Variants in LIN54 observed in about 807,000 individuals in gnomAD.
LIN54 encodes the protein protein lin-54 homolog.
In LIN54, 9 loss-of-function variants were observed where a neutral mutation model predicts 78.7. The ratio of observed to expected loss-of-function variants is 0.11; its 90% CI spans 0.07 to 0.20. LIN54 has a LOEUF of 0.20. LIN54 is among the 10% of genes least tolerant of loss of function. LIN54 has a pLI of 1.00. For synonymous variants in LIN54, 269 were observed against 318.4 expected (o/e 0.84, Z 1.65); for missense variants, 573 against 889.9 (o/e 0.64, Z 4.53).
At chr4:82,954,059 TA>T (rs1403501883) in intron 4 of LIN54, among the ~76,000 whole-genome samples, 1 of 152,154 alleles carries the variant, frequency 6.6e-6, no homozygotes, top group Non-Finnish European at 1.5e-5. Context: ...ATGTTACATG[TA>T]AAAAAATAAC....
At chr4:82,943,644 A>G (rs1163837612) in intron 5 of LIN54, among the ~76,000 whole-genome samples, 2 of 152,090 alleles carry the variant, frequency 1.3e-5, no homozygotes, top group Admixed American at 6.6e-5. Flanking sequence ...GCGTATATGT[A>G]TGTGGCTGGG....
rs1724595716 is a variant in LIN54, at chr4:82,959,286, G to A, written c.951+11041C>T. ...GTTGAGGAGGGATACTAGAGGCCAAGAGTTTGAGACCAGCCTGGGCAACAT... is the reference window on the plus strand; with the variant it reads ...GTTGAGGAGGGATACTAGAGGCCAAAAGTTTGAGACCAGCCTGGGCAACAT... On this transcript the variant is annotated intron_variant, in intron 4 of 12. Transcript: ENST00000340417. 3.9e-5 allele frequency among the ~76,000 whole-genome samples: 6 copies of A among 152,236 alleles called. No homozygotes were observed. The South Asian group carries it at 1.0e-3, about 26-fold the overall frequency.
At position 83,009,709 on chromosome 4, in the gene LIN54, T is replaced by C. The variant is rs146406691; in HGVS notation, c.-33+775A>G. Among the ~76,000 whole-genome samples, 1,022 of 152,290 alleles carry C rather than the reference T, an allele frequency of 6.7e-3. 15 individuals carry two copies. Among genetic ancestry groups the C allele is most frequent in the African/African-American group, 0.023 (940 of 41,552 alleles). On this transcript the variant is annotated intron_variant, in intron 1 of 12. Transcript: ENST00000340417. ...AATAACAGAGGTCTCAATTTATTTT[T>C]CCCAACTTAATGTACTCACAACAAA...
In LIN54 at chr4:82,939,650, C is replaced by G. The variant is rs148712372; in HGVS notation, c.1329G>C (p.Leu443=). Reference sequence around the variant, plus strand: ...TAGTGAGGTTGGGCTGGATCTGTGGCAGTGGTGTGGCAGGCATGATAAGCC... The same window carrying G: ...TAGTGAGGTTGGGCTGGATCTGTGGGAGTGGTGTGGCAGGCATGATAAGCC... ...QQRLIMPATP[L]PQIQPNLTNL... is the part of the protein sequence containing the mutation. The change falls in exon 7 of 13, where the codon CTG becomes CTC. Residue 443 remains leucine (L), a synonymous_variant. Transcript: ENST00000340417. 4 of 1,613,962 alleles carry G rather than the reference C, an allele frequency of 2.5e-6. No individual in the cohort carries two copies. The highest frequency in any genetic ancestry group is 3.4e-6 in the Non-Finnish European group (4 of 1,179,950).
chr4:82,938,510 T>C lies in LIN54; in HGVS notation c.1441-6A>G, dbSNP rs1722579402. 1.9e-6 allele frequency: 3 copies of C among 1,539,200 alleles called. No individual in the cohort carries two copies. The highest frequency in any genetic ancestry group is 2.7e-6 in the Non-Finnish European group (3 of 1,116,430). On this transcript the variant is annotated splice_polypyrimidine_tract_variant and splice_region_variant and intron_variant, in intron 7 of 12. Coordinates refer to ENST00000340417, the MANE Select transcript of LIN54 (RefSeq NM_194282.4). ...ACATATGAAGACTGCTGTAGCTACATGTAAAGAAAATTAATTTTAGATCAT... is the reference window on the plus strand; with the variant it reads ...ACATATGAAGACTGCTGTAGCTACACGTAAAGAAAATTAATTTTAGATCAT...
At chr4:82,947,252 A>G (rs1402434195) in intron 4 of LIN54, among the ~76,000 whole-genome samples, 2 of 2,638 alleles carry the variant, frequency 7.6e-4, no homozygotes, top group African/African-American at 2.3e-3. Context: ...TTTTTTTTGA[A>G]GACAGGGTCT....
Position 82,984,017 on chromosome 4 carries a change from AACACAC to A in LIN54, c.684+138_684+143del, listed in dbSNP as rs1334252814. 19 of 630,682 alleles carry A rather than the reference AACACAC, an allele frequency of 3.0e-5. No homozygotes were observed. In the East Asian group the frequency reaches 5.1e-4, roughly 17 times the overall value. The allele number at this position is 630,682 out of a possible 1,614,324, so 39.1% of individuals were successfully genotyped here. A position where few individuals can be genotyped will look rare whatever the true frequency, so the allele number is the denominator to read the frequency against. On this transcript the variant is annotated intron_variant, in intron 2 of 12. Transcript: ENST00000340417. The stretch of plus-strand genomic sequence containing the variant: ...AAGCATTAGACATATCAAACTTAAA[AACACAC>A]ACACACAATTACATAAAACAACATT...
chr4:82,990,962 G>A (rs922602581), intron 1 of LIN54, among the ~76,000 whole-genome samples: 2 of 151,874 alleles, frequency 1.3e-5, no homozygotes, highest in African/African-American at 2.4e-5. Flanking sequence ...AAACAAAAGG[G>A]CTGTCACTGC....
At chr4:82,989,288 C>T (rs1727461149) in intron 1 of LIN54, among the ~76,000 whole-genome samples, 1 of 152,158 alleles carries the variant, frequency 6.6e-6, no homozygotes, top group East Asian at 1.9e-4. Context: ...TTAAAGGACT[C>T]ACTAGGGTTT....
rs193127686 is a variant in LIN54 at position 82,998,419 on chromosome 4, T to C, written c.-33+12065A>G. 1.1e-3 allele frequency among the ~76,000 whole-genome samples: 165 copies of C among 152,188 alleles called. 1 individual carries two copies. The highest frequency in any genetic ancestry group is 3.9e-3 in the African/African-American group (160 of 41,530). ...TTAGCCGGGCATGGTGCTACATGCC[T>C]GTAGTCCTGGCTACTCAGGAGGCTG... is the stretch of plus-strand genomic sequence containing the variant. On this transcript the variant is annotated intron_variant, in intron 1 of 12. Transcript: ENST00000340417.
chr4:82,938,228 G>C (rs1368570938), intron 8 of LIN54, among the ~76,000 whole-genome samples, 185 bp downstream of exon 8: 2 of 152,208 alleles, frequency 1.3e-5, no homozygotes, highest in Non-Finnish European at 2.9e-5. Context: ...AATCTGAATA[G>C]AGTATTTGGG....
At chr4:82,993,517 T>A (rs1727924486) in intron 1 of LIN54, among the ~76,000 whole-genome samples, 1 of 151,204 alleles carries the variant, frequency 6.6e-6, no homozygotes, top group Non-Finnish European at 1.5e-5. Flanking sequence ...CGCGCCCGGC[T>A]AGAATCTTAA....
rs552309277 is a variant in LIN54 at position 83,009,499 on chromosome 4, A to G, written c.-33+985T>C. Among the ~76,000 whole-genome samples, 412 of 152,344 alleles carry G rather than the reference A, an allele frequency of 2.7e-3. 4 individuals carry two copies. Among genetic ancestry groups the G allele is most frequent in the Middle Eastern group, 0.01 (3 of 294 alleles). On this transcript the variant is annotated intron_variant, in intron 1 of 12. Transcript: ENST00000340417. The stretch of plus-strand genomic sequence containing the variant: ...TGCCCAGCCTAAAAATTTGATTCAC[A>G]TGTAACTTTTCTGTAACACTAGTGT...
chr4:82,935,083 C>A (rs1051541746), intron 11 of LIN54, among the ~76,000 whole-genome samples: 1 of 151,956 alleles, frequency 6.6e-6, no homozygotes, highest in Non-Finnish European at 1.5e-5. Flanking sequence ...TGACCAGTAA[C>A]CTCATCCAGC....
chr4:82,971,667 A>G (rs1448797178), intron 3 of LIN54, among the ~76,000 whole-genome samples: 1 of 152,202 alleles, frequency 6.6e-6, no homozygotes, highest in Non-Finnish European at 1.5e-5. Flanking sequence ...CATCAAATGC[A>G]GAGAAACAGA....
At chr4:82,939,514 C>A in intron 7 of LIN54, 25 bp downstream of exon 7, 1 of 1,590,932 alleles carries the variant, frequency 6.3e-7, no homozygotes, top group Non-Finnish European at 8.6e-7. Context: ...TTTTGCAATA[C>A]AATGACTTCA....
At chr4:83,008,246 T>C (rs958059527) in intron 1 of LIN54, among the ~76,000 whole-genome samples, 12 of 152,208 alleles carry the variant, frequency 7.9e-5, no homozygotes, top group Admixed American at 6.6e-4. Context: ...TCACCTCCAG[T>C]GATTCTTAAA....
intron 4 of LIN54, among the ~76,000 whole-genome samples, chr4:82,968,043 G>GA (rs1560754916): frequency 1.4e-5 from 2 of 144,594 alleles, no homozygotes; most frequent in Non-Finnish European, 3.0e-5. Context: ...TTTGTTTTTT[G>GA]TTTTTTTTTT....
intron 1 of LIN54, among the ~76,000 whole-genome samples, chr4:82,998,135 T>A (rs1728400481): frequency 6.6e-6 from 1 of 151,520 alleles, no homozygotes; most frequent in South Asian, 2.1e-4. Context: ...AACACTGTTC[T>A]TTTCTAGTTA....
Sources: gnomAD v4.1 joint callset for allele counts (sites outside exome capture counted in the v4.1 genomes callset) on GRCh38, gnomAD v4.1.1 for gene constraint, MANE v1.5 for transcripts, NCBI Gene and HGNC (gene_info 2026-07-23, HGNC 2026-07-21) for gene names.